CTNNA3: variants seen among roughly 807,000 people sequenced by gnomAD.
CTNNA3 encodes the protein catenin alpha 3.
A neutral mutation model predicts 95.7 loss-of-function variants in CTNNA3; 76 were observed. The observed-to-expected ratio is 0.79, with a 90% confidence interval of 0.66 to 0.96. The LOEUF is 0.96. CTNNA3 is among the 40% of genes least tolerant of loss of function. CTNNA3 has a pLI of 0.00. For synonymous variants in CTNNA3, 431 were observed against 374.4 expected (o/e 1.15, Z -1.74); for missense variants, 1,191 against 1,089.8 (o/e 1.09, Z -1.31).
intron 15 of CTNNA3, among the ~76,000 whole-genome samples, chr10:66,013,826 A>C (rs1340545426): frequency 6.6e-6 from 1 of 152,274 alleles, no homozygotes; most frequent in East Asian, 1.9e-4. Flanking sequence ...GTCTAATCAA[A>C]TCTCTTGGTT....
Position 66,286,098 on chromosome 10 carries a change from C to T in CTNNA3, c.1733-5477G>A, listed in dbSNP as rs541397531. Among the ~76,000 whole-genome samples, 11 of 151,954 alleles carry T rather than the reference C, an allele frequency of 7.2e-5. 1 individual carries two copies. In the South Asian group the frequency reaches 2.1e-3, roughly 29 times the overall value. ...ATGTTTTTTGGTGAATATATGTGTA[C>T]ATTTTTAGGGAATATACATATCAGT... On this transcript the variant is annotated intron_variant, in intron 12 of 17. Coordinates refer to ENST00000433211, the MANE Select transcript of CTNNA3 (RefSeq NM_013266.4).
intron 17 of CTNNA3, among the ~76,000 whole-genome samples, chr10:65,925,079 A>C (rs2077146388): frequency 6.6e-6 from 1 of 152,114 alleles, no homozygotes; most frequent in African/African-American, 2.4e-5. Context: ...CAACACCCTC[A>C]CTGAACAAAT....
intron 12 of CTNNA3, among the ~76,000 whole-genome samples, chr10:66,289,495 T>C (rs1438040118): frequency 6.6e-6 from 1 of 151,836 alleles, no homozygotes; most frequent in Non-Finnish European, 1.5e-5. Context: ...CATGTTTAAC[T>C]CATGTAACAT....
chr10:67,340,446 A>G (rs912434387), intron 5 of CTNNA3, among the ~76,000 whole-genome samples: 2 of 152,356 alleles, frequency 1.3e-5, no homozygotes, highest in African/African-American at 4.8e-5. Context: ...TGCAGTGTCT[A>G]TGATAAGATT....
At chr10:65,948,280 C>CAAAAAA (rs56966630) in intron 17 of CTNNA3, among the ~76,000 whole-genome samples, 9 of 97,666 alleles carry the variant, frequency 9.2e-5, no homozygotes, top group African/African-American at 3.0e-4. Context: ...GACTCCATCT[C>CAAAAAA]AAAAAAAAAA....
chr10:66,206,979 A>T (rs942184955), intron 13 of CTNNA3, among the ~76,000 whole-genome samples: 11 of 151,868 alleles, frequency 7.2e-5, no homozygotes, highest in Non-Finnish European at 1.6e-4. Context: ...AATGCTTTCT[A>T]ATGGCAGTCT....
intron 11 of CTNNA3, among the ~76,000 whole-genome samples, chr10:66,421,011 C>T (rs1156826848): frequency 2.0e-5 from 3 of 151,980 alleles, no homozygotes; most frequent in African/African-American, 7.2e-5. Flanking sequence ...TAGAACCAAA[C>T]TTAGTGTCCA....
In CTNNA3 at chr10:66,934,046, G is replaced by A. The variant is rs185923251; in HGVS notation, c.1048-158522C>T. Among the ~76,000 whole-genome samples, 528 of 152,122 alleles carry A rather than the reference G, an allele frequency of 3.5e-3. 11 individuals are homozygous for A. Among genetic ancestry groups the A allele is most frequent in the Admixed American group, 0.027 (418 of 15,262 alleles). On this transcript the variant is annotated intron_variant, in intron 7 of 17. Coordinates refer to ENST00000433211, the MANE Select transcript of CTNNA3 (RefSeq NM_013266.4). The stretch of plus-strand genomic sequence containing the variant: ...CTCTTGAGTTAGGGATCCTGAACAC[G>A]TGAGGAAAATTCCAGGAACACAGAG...
At chr10:66,967,139 A>G (rs1770996916) in intron 7 of CTNNA3, among the ~76,000 whole-genome samples, 1 of 152,030 alleles carries the variant, frequency 6.6e-6, no homozygotes, top group African/African-American at 2.4e-5. Flanking sequence ...TGGTTATAGC[A>G]AAAAATAGAC....
chr10:66,566,304 G>C (rs1842703713), intron 10 of CTNNA3, among the ~76,000 whole-genome samples: 2 of 152,146 alleles, frequency 1.3e-5, no homozygotes, highest in South Asian at 4.1e-4. Flanking sequence ...ACTGATGGGG[G>C]AGTGGCAAAG....
intron 11 of CTNNA3, among the ~76,000 whole-genome samples, chr10:66,468,723 A>G (rs1048848433): frequency 5.3e-5 from 8 of 151,946 alleles, no homozygotes; most frequent in Non-Finnish European, 1.0e-4. Flanking sequence ...ACATCATGTT[A>G]TATACTGTAA....
chr10:66,053,738 T>G (rs2080012413), intron 15 of CTNNA3, among the ~76,000 whole-genome samples: 1 of 152,068 alleles, frequency 6.6e-6, no homozygotes, highest in Admixed American at 6.6e-5. Flanking sequence ...GGCTGTGGTA[T>G]CTAATATTTA....
intron 17 of CTNNA3, among the ~76,000 whole-genome samples, chr10:65,963,174 T>C (rs1294540184): frequency 6.6e-6 from 1 of 152,214 alleles, no homozygotes; most frequent in African/African-American, 2.4e-5. Context: ...TACTCTCAAT[T>C]GCCTACAGGG....
chr10:67,674,482 T>C (rs975202605), intron 1 of CTNNA3, among the ~76,000 whole-genome samples: 4 of 152,080 alleles, frequency 2.6e-5, no homozygotes, highest in Non-Finnish European at 4.4e-5. Flanking sequence ...AATTCAGAAG[T>C]AGAATTTCTG....
chr10:67,747,284 C>T (rs952611840), intron 1 of CTNNA3, among the ~76,000 whole-genome samples: 8 of 152,176 alleles, frequency 5.3e-5, no homozygotes, highest in South Asian at 2.1e-4. Context: ...GGGCAGCCAG[C>T]GTGCTTTATT....
chr10:66,027,494 G>A (rs1049144045), intron 15 of CTNNA3, among the ~76,000 whole-genome samples: 21 of 152,152 alleles, frequency 1.4e-4, no homozygotes, highest in African/African-American at 5.1e-4. Context: ...GGCTATGCCA[G>A]AAATGTGCTC....
chr10:67,747,335 G>A (rs1040757378), intron 1 of CTNNA3, among the ~76,000 whole-genome samples: 3 of 152,142 alleles, frequency 2.0e-5, no homozygotes, highest in Admixed American at 6.5e-5. Context: ...AGGGGTCACC[G>A]GACACCTTAT....
At chr10:67,481,740 C>T (rs1848237846) in intron 5 of CTNNA3, among the ~76,000 whole-genome samples, 1 of 152,150 alleles carries the variant, frequency 6.6e-6, no homozygotes, top group South Asian at 2.1e-4. Context: ...TGTGCAGAAG[C>T]TCTTTAGTTT....
chr10:67,056,648 A>C (rs1855450025), intron 7 of CTNNA3, among the ~76,000 whole-genome samples: 1 of 152,162 alleles, frequency 6.6e-6, no homozygotes, highest in African/African-American at 2.4e-5. Flanking sequence ...GTGGCGACAG[A>C]AAAATAAACA....
Sources: gnomAD v4.1 joint callset for allele counts (sites outside exome capture counted in the v4.1 genomes callset) on GRCh38, gnomAD v4.1.1 for gene constraint, MANE v1.5 for transcripts, NCBI Gene and HGNC (gene_info 2026-07-23, HGNC 2026-07-21) for gene names.